GATB: variants seen among roughly 807,000 people sequenced by gnomAD.
GATB encodes the protein glutamyl-tRNA(Gln) amidotransferase subunit B, mitochondrial.
A neutral mutation model predicts 62.3 loss-of-function variants in GATB; 39 were observed. The ratio of observed to expected loss-of-function variants is 0.63; its 90% confidence interval spans 0.48 to 0.82. The LOEUF (loss-of-function observed/expected upper bound fraction) is 0.82. GATB is among the 40% of genes least tolerant of loss of function. The pLI is 0.00. For synonymous variants in GATB, 276 were observed against 258.9 expected, an observed-to-expected ratio of 1.07 and a Z score of -0.63; for missense variants, 670 against 684.0, an observed-to-expected ratio of 0.98 and a Z score of 0.23.
chr4:151,713,801 G>A (rs944328592), intron 5 of GATB, among the ~76,000 whole-genome samples: 6 of 152,116 alleles, frequency 3.9e-5, no homozygotes, highest in Admixed American at 6.5e-5. Context: ...ACGAAGCTGT[G>A]CTTACAGAAA....
At chr4:151,711,844 C>T (rs769277756) in intron 5 of GATB, among the ~76,000 whole-genome samples, 17 of 152,152 alleles carry the variant, frequency 1.1e-4, no homozygotes, top group Non-Finnish European at 2.4e-4. Context: ...CTGGCATTTT[C>T]CTGAGCAATG....
intron 1 of GATB, among the ~76,000 whole-genome samples, 183 bp from the exon 2 acceptor site, chr4:151,759,105 C>T (rs539567149): frequency 6.6e-6 from 1 of 152,154 alleles, no homozygotes; most frequent in South Asian, 2.1e-4. Flanking sequence ...TTAGAATAAG[C>T]GCCTACACTG....
Position 151,730,992 on chromosome 4 carries a change from G to A in GATB, c.328-11454C>T, listed in dbSNP as rs1038435028. On this transcript the variant is annotated intron_variant, in intron 2 of 12. Transcript: ENST00000263985. The surrounding 1 kb of genome is among the most constrained non-coding windows in gnomAD (Gnocchi z 4.1). ...TTAAGCTAATCAGGGAGGGACCAGA[G>A]AAAGGCGAAGCCCAATGCAAGGAAA... Among the ~76,000 whole-genome samples the A allele has an allele frequency of 3.3e-5, 5 of 152,244 alleles. No homozygotes were observed. The highest frequency in any genetic ancestry group is 6.5e-5 in the Admixed American group (1 of 15,286).
intron 9 of GATB, among the ~76,000 whole-genome samples, chr4:151,695,277 T>C (rs1007856836): frequency 3.9e-5 from 6 of 152,178 alleles, no homozygotes; most frequent in African/African-American, 1.4e-4. Context: ...TTTGGCTGTG[T>C]CTGTCATCTT....
chr4:151,739,880 A>T (rs750391013), intron 2 of GATB, among the ~76,000 whole-genome samples: 7 of 152,214 alleles, frequency 4.6e-5, no homozygotes, highest in Non-Finnish European at 1.0e-4. Flanking sequence ...ATCAGGAGAA[A>T]GCCTGCATGA....
rs555139329 is a variant in GATB at position 151,714,857 on chromosome 4, G to A, written c.763+1152C>T. ...TTGAGAATTCTCTTACTCTAAAAGA[G>A]AGTGTTGTCTCTGTAAAGAAACTTG... On this transcript the variant is annotated intron_variant, in intron 5 of 12. Coordinates refer to ENST00000263985, the MANE Select transcript of GATB (RefSeq NM_004564.3). Among the ~76,000 whole-genome samples, 3 of 152,320 alleles carry A rather than the reference G, an allele frequency of 2.0e-5. No homozygotes were observed. The South Asian group carries it at 6.2e-4, about 32-fold the overall frequency.
intron 4 of GATB, among the ~76,000 whole-genome samples, chr4:151,716,460 G>GC (rs1461468077): frequency 6.6e-6 from 1 of 151,670 alleles, no homozygotes; most frequent in Non-Finnish European, 1.5e-5. Context: ...TAATTTTTTG[G>GC]CAAGTAGGTC....
intron 2 of GATB, among the ~76,000 whole-genome samples, chr4:151,747,273 G>C (rs1578939469): frequency 6.6e-6 from 1 of 152,160 alleles, no homozygotes; most frequent in East Asian, 1.9e-4. Flanking sequence ...ATGGCTTCCT[G>C]CATAAAGCTG....
Position 151,676,798 on chromosome 4 carries a change from A to G in GATB, c.1410+3015T>C, listed in dbSNP as rs570831163. 4.6e-5 allele frequency among the ~76,000 whole-genome samples: 7 copies of G among 152,256 alleles called. No individual in the cohort carries two copies. In the East Asian group the frequency reaches 1.3e-3, roughly 29 times the overall value. On this transcript the variant is annotated intron_variant, in intron 11 of 12. Transcript: ENST00000263985. ...GGCTGCTTTGTGGCAGCAACCTCTT[A>G]ACTCCCCTGGCTCTGGGGTGCTGAA...
chr4:151,701,540 G>A (rs1738607127), intron 8 of GATB, 22 bp from the exon 9 acceptor site: 6 of 1,432,818 alleles, frequency 4.2e-6, no homozygotes, highest in Non-Finnish European at 5.5e-6. Flanking sequence ...GAGGAGACGG[G>A]ACCTGAATCT....
rs1739927017 is a variant in GATB at position 151,760,397 on chromosome 4, TGTAG to T, written c.176+406_176+409del. ...CAATAACCCACCACTACCAAGAGCTTGTAGGTAAAGGCTCCCTTTCTACCTTTAG... is the reference window on the plus strand; with the variant it reads ...CAATAACCCACCACTACCAAGAGCTTGTAAAGGCTCCCTTTCTACCTTTAG... On this transcript the variant is annotated intron_variant, in intron 1 of 12. Transcript: ENST00000263985. Among the ~76,000 whole-genome samples the T allele has an allele frequency of 3.3e-5, 5 of 152,100 alleles. No homozygotes were observed. In the South Asian group the frequency reaches 1.0e-3, roughly 32 times the overall value.
intron 2 of GATB, among the ~76,000 whole-genome samples, chr4:151,728,519 CT>C (rs1229914144): frequency 2.6e-4 from 40 of 152,088 alleles, no homozygotes; most frequent in Non-Finnish European, 1.5e-5. Context: ...TTGTTTATAA[CT>C]TTTTTAAAAA....
chr4:151,744,481 G>A (rs1289481398), intron 2 of GATB, among the ~76,000 whole-genome samples: 1 of 152,118 alleles, frequency 6.6e-6, no homozygotes, highest in East Asian at 1.9e-4. Context: ...GGCCAGGCAT[G>A]GTGGCTCATG....
intron 6 of GATB, 133 bp from the exon 7 acceptor site, chr4:151,705,402 C>A: frequency 1.6e-6 from 1 of 631,112 alleles, no homozygotes; most frequent in South Asian, 2.0e-5. Flanking sequence ...TATAATAATC[C>A]TTCCCTTACA....
At chr4:151,680,259 G>C (rs1475512708) in intron 10 of GATB, among the ~76,000 whole-genome samples, 2 of 142,322 alleles carry the variant, frequency 1.4e-5, no homozygotes, top group East Asian at 4.4e-4. Context: ...TCAACGGAAA[G>C]ATCAGCCTAA....
chr4:151,753,349 C>A (rs976402975), intron 2 of GATB, among the ~76,000 whole-genome samples: 4 of 152,162 alleles, frequency 2.6e-5, no homozygotes, highest in Non-Finnish European at 5.9e-5. Context: ...GCCCCCACAT[C>A]CTGAGCGTTT....
chr4:151,758,629 T>A, intron 2 of GATB, 143 bp downstream of exon 2: 1 of 638,130 alleles, frequency 1.6e-6, no homozygotes, highest in Non-Finnish European at 2.5e-6. Context: ...CAGAAAACAT[T>A]TAATATATCC....
intron 2 of GATB, among the ~76,000 whole-genome samples, chr4:151,747,121 C>T (rs1351143982): frequency 6.6e-6 from 1 of 152,134 alleles, no homozygotes; most frequent in Non-Finnish European, 1.5e-5. Flanking sequence ...GTGCCTGCCA[C>T]ATGGTAAGCA....
chr4:151,742,628 T>C (rs1399582036), intron 2 of GATB, among the ~76,000 whole-genome samples: 1 of 152,154 alleles, frequency 6.6e-6, no homozygotes, highest in Non-Finnish European at 1.5e-5. Flanking sequence ...TGGGGTCAGA[T>C]GTACTAACTC....
Sources: allele counts gnomAD v4.1 joint callset (sites outside exome capture counted in the v4.1 genomes callset), GRCh38; gene constraint gnomAD v4.1.1; non-coding constraint Gnocchi (gnomAD v3.1); transcripts MANE v1.5; gene names NCBI Gene and HGNC (gene_info 2026-07-23, HGNC 2026-07-21).